OPLAH: variants seen among roughly 807,000 people sequenced by gnomAD.
OPLAH encodes the protein 5-oxoprolinase, ATP-hydrolysing, also known as 5-oxoprolinase.
In OPLAH, 103 loss-of-function variants were observed where a neutral mutation model predicts 122.8. The ratio of observed to expected loss-of-function variants is 0.84; its 90% CI spans 0.71 to 0.99. The LOEUF is 0.99. OPLAH is among the 50% of genes least tolerant of loss of function. The probability of loss-of-function intolerance (pLI) is 0.00; values close to 1 mark genes in which losing one functional copy is unlikely to be tolerated. For missense variants in OPLAH, 1,902 were observed against 1,836.5 expected (o/e 1.04, Z -0.65); for synonymous variants, 875 against 796.0 (o/e 1.10, Z -1.67).
intron 19 of OPLAH, among the ~76,000 whole-genome samples, chr8:144,053,999 A>G (rs560836068): frequency 2.4e-5 from 2 of 84,336 alleles, no homozygotes; most frequent in African/African-American, 9.7e-5. Context: ...CTCTCCACTC[A>G]GCCCAAGACA....
chr8:144,057,835 C>T (rs561514288), intron 9 of OPLAH, 21 bp downstream of exon 9: 15 of 1,607,656 alleles, frequency 9.3e-6, no homozygotes, highest in South Asian at 5.5e-5. Flanking sequence ...AAGGCCAGGC[C>T]GGCCAGATCC....
chr8:144,053,153 T>A, intron 20 of OPLAH, 24 bp from the exon 21 acceptor site: 1 of 1,607,658 alleles, frequency 6.2e-7, no homozygotes, highest in East Asian at 2.2e-5. Flanking sequence ...GGATCAGTGG[T>A]GGCCAGGTCA....
intron 19 of OPLAH, among the ~76,000 whole-genome samples, chr8:144,054,266 C>T (rs1427386617): frequency 6.6e-6 from 1 of 152,132 alleles, no homozygotes; most frequent in Non-Finnish European, 1.5e-5. Flanking sequence ...ACACCACAAG[C>T]AGCCACCCAC....
In OPLAH at chr8:144,058,791, A is replaced by G. The variant is rs527664842; in HGVS notation, c.569T>C (p.Val190Ala). The G allele has an allele frequency of 1.2e-6, 2 of 1,603,568 alleles. No individual in the cohort carries two copies. Among genetic ancestry groups the G allele is most frequent in the Admixed American group, 3.4e-5 (2 of 59,324 alleles). ...LSRGIRSLAV[V>A]LMHSYTWAQH... Reference sequence around the variant, plus strand: ...CACTCACGTGTACGAGTGCATGAGCACCACAGCCAGGCTGCGGATGCCTCG... The same window carrying G: ...CACTCACGTGTACGAGTGCATGAGCGCCACAGCCAGGCTGCGGATGCCTCG... The change falls in exon 5 of 27, where the codon GTG becomes GCG. Residue 190 changes from valine (V) to alanine (A), a missense_variant. Coordinates refer to ENST00000618853, the MANE Select transcript of OPLAH (RefSeq NM_017570.5).
intron 1 of OPLAH, among the ~76,000 whole-genome samples, chr8:144,060,386 G>C (rs2129854776): frequency 6.6e-6 from 1 of 152,326 alleles, no homozygotes; most frequent in South Asian, 2.1e-4. Context: ...CCTCGGGCGG[G>C]GTCCCTCAGC....
rs1835631403 is a variant in OPLAH, at chr8:144,060,034, G to A, written c.-2C>T. ...GAAGCGGCCCTCGGGGCTGCCCATG[G>A]TGGTGGGGCTGGAGTCCCACAGGAG... On this transcript the variant is annotated 5_prime_UTR_variant, in exon 2 of 27. Transcript: ENST00000618853. 1 of 1,611,030 alleles carries A rather than the reference G, an allele frequency of 6.2e-7. No homozygotes were observed. The highest frequency in any genetic ancestry group is 8.5e-7 in the Non-Finnish European group (1 of 1,179,058).
In OPLAH at chr8:144,059,914, G is replaced by A. The variant is rs782643026; in HGVS notation, c.119C>T (p.Pro40Leu). ...GGTTGGCGCGTCCGCATAGTTGGCA[G>A]GGTCCTCTGAGAGCAGTTTTAAGAC... ...VRVLKLLSED[P>L]ANYADAPTEG... Residue 40 changes from proline (P) to leucine (L), a missense_variant, in exon 2 of 27, where the codon CCT becomes CTT. Physicochemically the swap from Pro to Leu is moderately conservative, Grantham distance 98. Transcript: ENST00000618853. 6.2e-7 allele frequency: 1 copy of A among 1,612,830 alleles called. No individual in the cohort carries two copies. Among genetic ancestry groups the A allele is most frequent in the Admixed American group, 1.7e-5 (1 of 60,032 alleles).
Position 144,051,480 on chromosome 8 carries a change from CGCGGGGGGGG to C in OPLAH, c.3721-18_3721-9del. 15 of 397,056 alleles carry C rather than the reference CGCGGGGGGGG, an allele frequency of 3.8e-5. No homozygotes were observed. Among genetic ancestry groups the C allele is most frequent in the Non-Finnish European group, 4.5e-5 (13 of 289,096 alleles). The allele number at this position is 397,056 out of a possible 1,614,324, so 24.6% of individuals were successfully genotyped here. A position where few individuals can be genotyped will look rare whatever the true frequency, so the allele number is the denominator to read the frequency against. ...GTGGAGACAGAACACATCCTGTTGG[CGCGGGGGGGG>C]GCGGGGAGGCGGGCTCAGTGCAGGC... On this transcript the variant is annotated splice_polypyrimidine_tract_variant and intron_variant, in intron 26 of 26. Transcript: ENST00000618853.
intron 26 of OPLAH, 23 bp downstream of exon 26, chr8:144,051,706 A>G: frequency 1.3e-6 from 2 of 1,541,812 alleles, no homozygotes; most frequent in Non-Finnish European, 1.8e-6. Context: ...GGGGAGGGGG[A>G]CAGGACAGGC....
chr8:144,059,460 TG>T, intron 3 of OPLAH, 138 bp downstream of exon 3: 1 of 938,392 alleles, frequency 1.1e-6, no homozygotes, highest in Non-Finnish European at 1.6e-6. Context: ...GGGGTCCCAC[TG>T]GGAATTCGGG....
Position 144,056,614 on chromosome 8 carries a change from G to T in OPLAH, c.1844+4C>A. On this transcript the variant is annotated splice_donor_region_variant and intron_variant, in intron 13 of 26. Transcript: ENST00000618853. ...CAGGGATCCGGAGTCAGGAAGCCACGTACCGCTCCACAAAGGCTGCCCCGA... is the reference window on the plus strand; with the variant it reads ...CAGGGATCCGGAGTCAGGAAGCCACTTACCGCTCCACAAAGGCTGCCCCGA... The T allele has an allele frequency of 6.2e-7, 1 of 1,612,248 alleles. No individual in the cohort carries two copies. Among genetic ancestry groups the T allele is most frequent in the Non-Finnish European group, 8.5e-7 (1 of 1,179,774 alleles).
At position 144,058,332 on chromosome 8, in the gene OPLAH, C is replaced by A. The variant is rs1167669504; in HGVS notation, c.856G>T (p.Val286Leu). 6.2e-7 allele frequency: 1 copy of A among 1,600,500 alleles called. No homozygotes were observed. Among genetic ancestry groups the A allele is most frequent in the South Asian group, 1.1e-5 (1 of 90,098 alleles). ...ACGCCGCCGGCCGGGCCCGAGAGCA[C>A]AGCACTGGAGCCGCTGAAGGTGTCC... Reference protein sequence around the residue: ...PMDTFSGSSAVLSGPAGGVVG... With the variant: ...PMDTFSGSSALLSGPAGGVVG... The change falls in exon 7 of 27, where the codon GTG becomes TTG. Residue 286 changes from valine (V) to leucine (L), a missense_variant. Around this residue, in one of 3 missense-constraint regions of OPLAH, gnomAD observed 1,726 missense variants for 1,642.1 expected, o/e 1.05. Transcript: ENST00000618853.
rs782344840 is a variant in OPLAH at position 144,059,601 on chromosome 8, G to A, written c.361C>T (p.Leu121=). The A allele has an allele frequency of 1.0e-5, 16 of 1,605,398 alleles. No individual in the cohort carries two copies. The highest frequency in any genetic ancestry group is 1.3e-5 in the Non-Finnish European group (15 of 1,174,992). The change falls in exon 3 of 27, where the codon CTG becomes TTG. Residue 121 remains leucine (L), a splice_region_variant and synonymous_variant. Coordinates refer to ENST00000618853, the MANE Select transcript of OPLAH (RefSeq NM_017570.5). The part of the protein sequence containing the change: ...GTQARGDLFD[L]AVPMPEVLYE... The stretch of plus-strand genomic sequence containing the variant: ...TCCCCAGCCAACATGGAGCTCACCA[G>A]GTCAAAGAGGTCCCCACGGGCTTGG...
At chr8:144,053,916 C>G (rs1382601898) in intron 19 of OPLAH, among the ~76,000 whole-genome samples, 2 of 149,732 alleles carry the variant, frequency 1.3e-5, no homozygotes, top group Non-Finnish European at 3.0e-5. Context: ...AAACTTGACC[C>G]CTGGCCCCCT....
At chr8:144,056,299 A>T (rs782437621) in intron 14 of OPLAH, 40 bp from the exon 15 acceptor site, 1 of 1,597,812 alleles carries the variant, frequency 6.3e-7, no homozygotes. Flanking sequence ...CGGGCCCAGC[A>T]CCCTCCCCGA....
At position 144,053,079 on chromosome 8, in the gene OPLAH, G is replaced by A. The variant is rs887499543; in HGVS notation, c.2922C>T (p.Ser974=). The A allele has an allele frequency of 1.9e-6, 3 of 1,604,524 alleles. No homozygotes were observed. Among genetic ancestry groups the A allele is most frequent in the African/African-American group, 1.3e-5 (1 of 74,692 alleles). The change falls in exon 21 of 27, where the codon TCC becomes TCT. Residue 974 remains serine (S), a synonymous_variant. Coordinates refer to ENST00000618853, the MANE Select transcript of OPLAH (RefSeq NM_017570.5). ...CCAGGGGCAGGCCCCGGGCCTGCCGGGAGGTTCCAAAGGCACGCAACATGT... is the reference window on the plus strand; with the variant it reads ...CCAGGGGCAGGCCCCGGGCCTGCCGAGAGGTTCCAAAGGCACGCAACATGT... ...VRDMLRAFGT[S]RQARGLPLEV...
Position 144,058,086 on chromosome 8 carries a change from C to T in OPLAH, c.1012G>A (p.Ala338Thr), listed in dbSNP as rs782281963. The T allele has an allele frequency of 1.6e-5, 25 of 1,612,518 alleles. No individual in the cohort carries two copies. The Admixed American group carries it at 3.5e-4, about 23-fold the overall frequency. Residue 338 changes from alanine (A) to threonine (T), a missense_variant, in exon 8 of 27, where the codon GCT (alanine) becomes ACT (threonine). Ala to Thr is a moderately conservative substitution (Grantham distance 58, BLOSUM62 0). This residue lies in a region of OPLAH where 1,726 missense variants were observed against 1,642.1 expected (regional missense o/e 1.05). Transcript: ENST00000618853. Reference sequence around the variant, plus strand: ...TGCGGGGCCTGGAGGGTGACGCCAGCTGTGCTGGCCTCGAAGACGTGCTCG... The same window carrying T: ...TGCGGGGCCTGGAGGGTGACGCCAGTTGTGCTGGCCTCGAAGACGTGCTCG... Reference protein sequence around the residue: ...EFEHVFEASTAGVTLQAPQLD... With the variant: ...EFEHVFEASTTGVTLQAPQLD...
Position 144,059,719 on chromosome 8 carries a change from G to A in OPLAH, c.243C>T (p.Thr81=), listed in dbSNP as rs1554760416. Residue 81 remains threonine, a synonymous_variant, in exon 3 of 27, where the codon ACC becomes ACT. Transcript: ENST00000618853. ...CCAGCAGTGCGTTGGTGGCCACTGTGGTGCCCATGCGGATGCTGGCGATAT... is the reference window on the plus strand; with the variant it reads ...CCAGCAGTGCGTTGGTGGCCACTGTAGTGCCCATGCGGATGCTGGCGATAT... The part of the protein sequence containing the change: ...SSHIASIRMG[T]TVATNALLER... 1 of 1,611,576 alleles carries A rather than the reference G, an allele frequency of 6.2e-7. No individual in the cohort carries two copies. Among genetic ancestry groups the A allele is most frequent in the Admixed American group, 1.7e-5 (1 of 60,006 alleles).
chr8:144,059,875 C>T lies in OPLAH; in HGVS notation c.158G>A (p.Arg53His), dbSNP rs370049811. The change falls in exon 2 of 27, where the codon CGC (arginine) becomes CAC (histidine). Residue 53 changes from arginine (R) to histidine (H), a missense_variant. Around this residue, in one of 3 missense-constraint regions of OPLAH, gnomAD observed 168 missense variants for 170.6 expected, o/e 0.98. Coordinates refer to ENST00000618853, the MANE Select transcript of OPLAH (RefSeq NM_017570.5). ...YADAPTEGIR[R>H]ILEQEAGMLL... is the part of the protein sequence containing the mutation. ...GCCCTGGCCCACCTGCTCCAGGATG[C>T]GGCGGATGCCTTCGGTTGGCGCGTC... The T allele has an allele frequency of 2.6e-4, 419 of 1,612,676 alleles. No homozygotes were observed. Among genetic ancestry groups the T allele is most frequent in the Non-Finnish European group, 3.0e-4 (352 of 1,179,792 alleles).
Sources: gnomAD v4.1 joint callset for allele counts (sites outside exome capture counted in the v4.1 genomes callset) on GRCh38, gnomAD v4.1.1 for gene constraint, gnomAD v4.1.1 regional missense constraint, MANE v1.5 for transcripts, NCBI Gene and HGNC (gene_info 2026-07-23, HGNC 2026-07-21) for gene names.